HERC1: variants seen among roughly 807,000 people sequenced by gnomAD.
HERC1 encodes the protein HECT and RLD domain containing E3 ubiquitin protein ligase family member 1.
A neutral mutation model predicts 554.3 loss-of-function variants in HERC1; 160 were observed. The observed-to-expected ratio is 0.29, with a 90% CI of 0.25 to 0.33. The LOEUF (loss-of-function observed/expected upper bound fraction) is 0.33. Among genes scored for constraint, HERC1 ranks in the 10% least tolerant of loss-of-function variants. The pLI is 1.00. For synonymous variants in HERC1, 2,175 were observed against 2,131.7 expected, an observed-to-expected ratio of 1.02 and a Z score of -0.56; for missense variants, 4,919 against 5,918.5, an observed-to-expected ratio of 0.83 and a Z score of 5.54.
chr15:63,715,407 G>A (rs1054998214), intron 22 of HERC1, among the ~76,000 whole-genome samples: 6 of 152,180 alleles, frequency 3.9e-5, no homozygotes, highest in Admixed American at 2.0e-4. Flanking sequence ...AACTGCAAAA[G>A]TTCCCTCAGC....
At chr15:63,688,617 G>T (rs2071920101) in intron 33 of HERC1, among the ~76,000 whole-genome samples, 1 of 152,162 alleles carries the variant, frequency 6.6e-6, no homozygotes. Flanking sequence ...CCAACACTTA[G>T]ATTGAATAGA....
chr15:63,740,748 T>C lies in HERC1; in HGVS notation c.2521-5899A>G, dbSNP rs115009857. 8.5e-3 allele frequency among the ~76,000 whole-genome samples: 1,301 copies of C among 152,358 alleles called. 14 individuals carry two copies. Among genetic ancestry groups the C allele is most frequent in the African/African-American group, 0.028 (1,153 of 41,578 alleles). On this transcript the variant is annotated intron_variant, in intron 12 of 77. Transcript: ENST00000443617. ...TAGAGATATGTCTACTCAGATTCTT[T>C]GTTCATTTTTAAAACTGGGGTATCT...
intron 7 of HERC1, among the ~76,000 whole-genome samples, chr15:63,753,895 C>T (rs750245728): frequency 1.3e-5 from 2 of 152,030 alleles, no homozygotes; most frequent in African/African-American, 2.4e-5. Context: ...ATACTCATGC[C>T]GGGCACGGAG....
chr15:63,656,563 G>A (rs2070049163), intron 48 of HERC1, among the ~76,000 whole-genome samples: 1 of 152,136 alleles, frequency 6.6e-6, no homozygotes, highest in African/African-American at 2.4e-5. Flanking sequence ...ATAAGTATTG[G>A]CATATACTTG....
In HERC1 at chr15:63,753,078, A is replaced by C. The variant is rs1168600631; in HGVS notation, c.1782T>G (p.Leu594=). The C allele has an allele frequency of 4.4e-6, 7 of 1,591,186 alleles. No individual in the cohort carries two copies. In the South Asian group the frequency reaches 8.0e-5, roughly 18 times the overall value. The change falls in exon 8 of 78, where the codon CTT becomes CTG. Residue 594 remains leucine, a synonymous_variant. Transcript: ENST00000443617. ...WSFGGGDNGK[L]GHGDTNRVYK... ...ACACTCTGTTGGTATCACCATGACC[A>C]AGTTTACCTATAAAAACAAACACAT...
At chr15:63,744,055 T>G (rs1186562253) in intron 12 of HERC1, among the ~76,000 whole-genome samples, 1 of 151,616 alleles carries the variant, frequency 6.6e-6, no homozygotes, top group Non-Finnish European at 1.5e-5. Flanking sequence ...GGGAGAATTC[T>G]CTGGATTATC....
chr15:63,680,619 A>G lies in HERC1; in HGVS notation c.6383T>C (p.Leu2128Ser). 1 of 1,613,852 alleles carries G rather than the reference A, an allele frequency of 6.2e-7. No individual in the cohort carries two copies. Among genetic ancestry groups the G allele is most frequent in the Non-Finnish European group, 8.5e-7 (1 of 1,179,748 alleles). ...GAAATCTCCTTGAGTAAAGCTGGAC[A>G]ATGTGAGAGTCTGTTCTCCATTGTG... is the stretch of plus-strand genomic sequence containing the variant. ...LYHNGEQTLT[L>S]SSFTQGDFIT... The change falls in exon 35 of 78, where the codon TTG becomes TCG. Residue 2128 changes from leucine (L) to serine (S), a missense_variant. This residue lies in a region of HERC1 where 85 missense variants were observed against 163.2 expected (regional missense o/e 0.52). Coordinates refer to ENST00000443617, the MANE Select transcript of HERC1 (RefSeq NM_003922.4). The surrounding 1 kb of genome is among the most constrained non-coding windows in gnomAD (Gnocchi z 5.8).
intron 25 of HERC1, among the ~76,000 whole-genome samples, chr15:63,700,778 A>G (rs1037041073): frequency 6.6e-6 from 1 of 151,582 alleles, no homozygotes; most frequent in Non-Finnish European, 1.5e-5. Flanking sequence ...ACCTACCTAA[A>G]AATTTCCCCA....
chr15:63,744,142 GTGTGTGTGTGTGTGTGTGTGTGTCTC>G (rs2074949534), intron 12 of HERC1, among the ~76,000 whole-genome samples: 2 of 41,696 alleles, frequency 4.8e-5, no homozygotes, highest in South Asian at 5.3e-4. Context: ...GTGTGTGTGT[GTGTGTGTGTGTGTGTGTGTGTGTCTC>G]TCTCTCTCTC....
intron 1 of HERC1, among the ~76,000 whole-genome samples, chr15:63,792,061 T>C (rs928535618): frequency 6.6e-6 from 1 of 152,186 alleles, no homozygotes; most frequent in Non-Finnish European, 1.5e-5. Context: ...ACATAGTAGG[T>C]TCACTGATTG....
At chr15:63,643,689 T>C in intron 57 of HERC1, 139 bp from the exon 58 acceptor site, 1 of 544,330 alleles carries the variant, frequency 1.8e-6, no homozygotes, top group Non-Finnish European at 3.2e-6. Flanking sequence ...TAAAGGATAG[T>C]AAGCTTGACT....
intron 12 of HERC1, among the ~76,000 whole-genome samples, chr15:63,737,497 TATATATATCTTTTTTCCAG>T (rs1246955238): frequency 1.7e-4 from 16 of 94,238 alleles, no homozygotes; most frequent in South Asian, 3.7e-4. Context: ...TATATATACA[TATATATATCTTTTTTCCAG>T]ATATATATAT....
intron 1 of HERC1, among the ~76,000 whole-genome samples, chr15:63,799,766 T>C (rs1039687601): frequency 3.3e-5 from 5 of 152,126 alleles, no homozygotes; most frequent in Admixed American, 2.0e-4. Flanking sequence ...AAAACTAAAA[T>C]TGCAGAGAAC....
chr15:63,775,270 A>G lies in HERC1; in HGVS notation c.354T>C (p.Ser118=). 6.2e-7 allele frequency: 1 copy of G among 1,614,048 alleles called. No homozygotes were observed. The highest frequency in any genetic ancestry group is 8.5e-7 in the Non-Finnish European group (1 of 1,179,888). The change falls in exon 2 of 78, where the codon TCT becomes TCC. Residue 118 remains serine (S), a synonymous_variant. Coordinates refer to ENST00000443617, the MANE Select transcript of HERC1 (RefSeq NM_003922.4). This position sits in a 1 kb window ranked among gnomAD's most constrained non-coding sequence, Gnocchi z 4.0. ...CCTTGCCTTTGTCATGGTATTTATT[A>G]GAAAGTGCATAAAAGACACGCTGGA... is the stretch of plus-strand genomic sequence containing the variant. The part of the protein sequence containing the change: ...LVLQRVFYAL[S]NKYHDKGKVK...
At chr15:63,688,499 T>A (rs2071914557) in intron 33 of HERC1, among the ~76,000 whole-genome samples, 1 of 152,224 alleles carries the variant, frequency 6.6e-6, no homozygotes, top group Admixed American at 6.5e-5. Context: ...AAGTCTTAAA[T>A]GAGTCTGAAT....
intron 2 of HERC1, among the ~76,000 whole-genome samples, chr15:63,767,942 T>C (rs1034952152): frequency 3.3e-5 from 5 of 152,152 alleles, no homozygotes; most frequent in South Asian, 2.1e-4. Flanking sequence ...AGCTTCCTTT[T>C]CTCCAAGATC....
At chr15:63,676,552 T>TTCAA (rs557769103) in intron 37 of HERC1, among the ~76,000 whole-genome samples, 369 of 151,426 alleles carry the variant, frequency 2.4e-3, no homozygotes, top group Non-Finnish European at 3.9e-3. Context: ...AGGTCAGGAG[T>TTCAA]TCAAGACCAA....
chr15:63,648,579 CTCTT>C (rs2069480749), intron 54 of HERC1, among the ~76,000 whole-genome samples: 1 of 152,190 alleles, frequency 6.6e-6, no homozygotes. Flanking sequence ...AAAATTACAT[CTCTT>C]TTTTTGCTTA....
chr15:63,657,572 T>C (rs2070115396), intron 48 of HERC1, among the ~76,000 whole-genome samples: 1 of 152,194 alleles, frequency 6.6e-6, no homozygotes, highest in African/African-American at 2.4e-5. Flanking sequence ...ATTCTATGGC[T>C]TGCTTTTTTA....
Sources: gnomAD v4.1 joint callset for allele counts (sites outside exome capture counted in the v4.1 genomes callset) on GRCh38, gnomAD v4.1.1 for gene constraint, gnomAD v4.1.1 regional missense constraint, Gnocchi (gnomAD v3.1) non-coding constraint, MANE v1.5 for transcripts, NCBI Gene and HGNC (gene_info 2026-07-23, HGNC 2026-07-21) for gene names.